Variants in PRIM1 observed in about 807,000 individuals in gnomAD.
PRIM1 encodes the protein DNA primase subunit 1, also known as DNA primase small subunit.
Under a neutral mutation model 60.2 loss-of-function variants are expected in PRIM1, and 38 were observed. That is an observed-to-expected ratio of 0.63 (90% CI 0.49 to 0.83). The LOEUF is 0.83. Among genes scored for constraint, PRIM1 ranks in the 40% least tolerant of loss-of-function variants. The pLI, the probability that PRIM1 is intolerant of heterozygous loss-of-function variation, is 0.00. For missense variants in PRIM1, 388 were observed against 506.2 expected (o/e 0.77, Z 2.24); for synonymous variants, 158 against 160.2 (o/e 0.99, Z 0.10).
intron 6 of PRIM1, 67 bp from the exon 7 acceptor site, chr12:56,743,163 C>T (rs1419215599): frequency 2.3e-5 from 33 of 1,408,004 alleles, no homozygotes; most frequent in Non-Finnish European, 3.0e-5. Flanking sequence ...ATAGGTATTG[C>T]TGCCATTGTG....
At chr12:56,739,828 G>C (rs1169671030) in intron 9 of PRIM1, among the ~76,000 whole-genome samples, 1 of 152,110 alleles carries the variant, frequency 6.6e-6, no homozygotes, top group African/African-American at 2.4e-5. Context: ...ACCATGTCCA[G>C]CATGCCTTTT....
In PRIM1 at chr12:56,734,778, T is replaced by TATA. The variant is rs1555228415; in HGVS notation, c.1145-534_1145-533insTAT. 2.5e-3 allele frequency among the ~76,000 whole-genome samples: 345 copies of TATA among 140,286 alleles called. 2 individuals carry two copies. Among genetic ancestry groups the TATA allele is most frequent in the African/African-American group, 9.0e-3 (337 of 37,292 alleles). 92.0% of individuals were successfully genotyped at this position (140,286 alleles called of 152,430 possible). On this transcript the variant is annotated intron_variant, in intron 11 of 12. Transcript: ENST00000338193. ...TCTCTTTCATACAAGTCTTTTATAT[T>TATA]TATATATATATATATAATATATATA... is the stretch of plus-strand genomic sequence containing the variant.
chr12:56,746,663 C>G, intron 4 of PRIM1, 118 bp downstream of exon 4: 1 of 832,688 alleles, frequency 1.2e-6, no homozygotes, highest in Non-Finnish European at 1.9e-6. Flanking sequence ...CACACACACA[C>G]ACACACACAC....
chr12:56,733,038 A>C (rs1359527153), intron 12 of PRIM1, among the ~76,000 whole-genome samples: 1 of 150,002 alleles, frequency 6.7e-6, no homozygotes, highest in Non-Finnish European at 1.5e-5. Context: ...TATTTTTAGT[A>C]GAGACGGGGT....
intron 11 of PRIM1, among the ~76,000 whole-genome samples, chr12:56,736,300 A>G (rs1389812370): frequency 9.8e-5 from 14 of 142,248 alleles, no homozygotes; most frequent in Non-Finnish European, 1.7e-4. Context: ...TCTTTCTCTA[A>G]AAAAAAAAAA....
Position 56,746,172 on chromosome 12 carries a change from C to G in PRIM1, c.452G>C (p.Gly151Ala). The change falls in exon 5 of 13, where the codon GGA becomes GCA. Residue 151 changes from glycine to alanine, a missense_variant. Physicochemically the swap from Gly to Ala is moderately conservative, Grantham distance 60 (BLOSUM62 0). This residue lies in a region of PRIM1 where 21 missense variants were observed against 52.5 expected (regional missense o/e 0.40). Transcript: ENST00000338193. ...ATATACCCAGAGACGATGCTTAAAT[C>G]CAAAGTCCTCTGAGGAAGAGAGAAA... ...IIDRALKEDF[G>A]FKHRLWVYSG... The G allele has an allele frequency of 1.2e-6, 2 of 1,610,794 alleles. No homozygotes were observed. Among genetic ancestry groups the G allele is most frequent in the Non-Finnish European group, 1.7e-6 (2 of 1,178,780 alleles).
chr12:56,741,810 A>G lies in PRIM1; in HGVS notation c.776T>C (p.Phe259Ser). 1 of 1,613,976 alleles carries G rather than the reference A, an allele frequency of 6.2e-7. No individual in the cohort carries two copies. The highest frequency in any genetic ancestry group is 8.5e-7 in the Non-Finnish European group (1 of 1,179,876). Residue 259 changes from phenylalanine to serine, a missense_variant, in exon 8 of 13, where the codon TTC (phenylalanine) becomes TCC (serine). Phe to Ser is a radical substitution (Grantham distance 155). Transcript: ENST00000338193. ...ETIHDELQQS[F>S]QKSHNSLQRW... Reference sequence around the variant, plus strand: ...CTGAAGTGAATTGTGAGACTTTTGGAAGCTTTGTTGAAGTTCATCATGAAT... The same window carrying G: ...CTGAAGTGAATTGTGAGACTTTTGGGAGCTTTGTTGAAGTTCATCATGAAT...
chr12:56,733,585 G>C (rs1953800371), intron 12 of PRIM1, among the ~76,000 whole-genome samples: 2 of 149,896 alleles, frequency 1.3e-5, no homozygotes, highest in South Asian at 4.2e-4. Context: ...TTTGTATTAA[G>C]TTAGTACTTC....
chr12:56,741,525 G>T lies in PRIM1; in HGVS notation c.892C>A (p.Leu298Ile). Residue 298 changes from leucine to isoleucine, a missense_variant, in exon 9 of 13, where the codon CTC becomes ATC. Physicochemically the swap from Leu to Ile is conservative, Grantham distance 5 (BLOSUM62 2). This residue lies in a region of PRIM1 where 211 missense variants were observed against 277.9 expected (regional missense o/e 0.76). Transcript: ENST00000338193. Reference sequence around the variant, plus strand: ...TCCAGCCGTGGAAAACAGTACTGGAGCATAATCTCCCACTCCAGCCAGGGT... The same window carrying T: ...TCCAGCCGTGGAAAACAGTACTGGATCATAATCTCCCACTCCAGCCAGGGT... The part of the protein sequence containing the change: ...YGPWLEWEIM[L>I]QYCFPRLDIN... The T allele has an allele frequency of 6.2e-7, 1 of 1,613,504 alleles. No homozygotes were observed. The highest frequency in any genetic ancestry group is 1.1e-5 in the South Asian group (1 of 91,034).
intron 1 of PRIM1, 122 bp downstream of exon 1, chr12:56,752,074 C>G: frequency 1.8e-6 from 1 of 559,146 alleles, no homozygotes; most frequent in Non-Finnish European, 3.0e-6. Context: ...CTCGAGAGAG[C>G]AAATGAAGGC....
intron 1 of PRIM1, 45 bp downstream of exon 1, chr12:56,752,151 A>G: frequency 1.4e-6 from 2 of 1,407,594 alleles, no homozygotes; most frequent in Non-Finnish European, 9.8e-7. Context: ...CCCGCCTCCA[A>G]CCTCCTCACA....
chr12:56,746,769 G>A lies in PRIM1; in HGVS notation c.442+12C>T. 1 of 1,612,864 alleles carries A rather than the reference G, an allele frequency of 6.2e-7. No individual in the cohort carries two copies. The highest frequency in any genetic ancestry group is 8.5e-7 in the Non-Finnish European group (1 of 1,179,166). ...TTACACTTGACCCCATTCAGAAACTGCTGATACTTGCCCTTCAATGCTCTG... is the reference window on the plus strand; with the variant it reads ...TTACACTTGACCCCATTCAGAAACTACTGATACTTGCCCTTCAATGCTCTG... On this transcript the variant is annotated intron_variant, in intron 4 of 12. Coordinates refer to ENST00000338193, the MANE Select transcript of PRIM1 (RefSeq NM_000946.3).
chr12:56,744,115 T>A lies in PRIM1; in HGVS notation c.588A>T (p.Gln196His). The part of the protein sequence containing the change: ...VEYLSLVKGG[Q>H]DVKKKVHLSE... ...TTAGGTGAACTTTCTTTTTAACGTC[T>A]TGACCACCCTGAAAAATAAATCATT... Residue 196 changes from glutamine to histidine, a missense_variant, in exon 6 of 13, where the codon CAA becomes CAT. By Grantham distance (24) the Gln-to-His change is conservative. Coordinates refer to ENST00000338193, the MANE Select transcript of PRIM1 (RefSeq NM_000946.3). 6.4e-7 allele frequency: 1 copy of A among 1,561,162 alleles called. No homozygotes were observed. The highest frequency in any genetic ancestry group is 8.7e-7 in the Non-Finnish European group (1 of 1,149,808).
rs1196937616 is a variant in PRIM1, at chr12:56,734,150, T to G, written c.1240A>C (p.Ser414Arg). Residue 414 changes from serine to arginine, a missense_variant, in exon 12 of 13, where the codon AGT (serine) becomes CGT (arginine). Coordinates refer to ENST00000338193, the MANE Select transcript of PRIM1 (RefSeq NM_000946.3). ...KSRKGELLKK[S>R]DLQKDF ...AGGGAAAGGCATAGCGTCTTACCAC[T>G]CTTCTTAAGAAGTTCTCCTTTTCGG... The G allele has an allele frequency of 2.5e-6, 4 of 1,588,680 alleles. No individual in the cohort carries two copies. In the African/African-American group the frequency reaches 5.4e-5, roughly 21 times the overall value.
At chr12:56,745,667 G>A (rs552977169) in intron 5 of PRIM1, among the ~76,000 whole-genome samples, 1 of 152,136 alleles carries the variant, frequency 6.6e-6, no homozygotes, top group African/African-American at 2.4e-5. Context: ...AGGCCAGTGT[G>A]GTGGCTCATG....
intron 7 of PRIM1, 142 bp from the exon 8 acceptor site, chr12:56,741,979 G>T: frequency 3.5e-6 from 3 of 858,950 alleles, no homozygotes; most frequent in Non-Finnish European, 5.6e-6. Flanking sequence ...TTGACTGGGC[G>T]TGGTGGCTCA....
intron 11 of PRIM1, among the ~76,000 whole-genome samples, chr12:56,735,265 A>C (rs1012944622): frequency 2.0e-5 from 3 of 151,188 alleles, no homozygotes; most frequent in Non-Finnish European, 2.9e-5. Context: ...TGCCCGGCTA[A>C]GTTTTTGTAT....
chr12:56,740,771 T>G (rs1953866846), intron 9 of PRIM1, among the ~76,000 whole-genome samples: 1 of 152,092 alleles, frequency 6.6e-6, no homozygotes, highest in Admixed American at 6.6e-5. Flanking sequence ...AAAATTTTTT[T>G]TTGTTTTTGT....
At chr12:56,746,510 A>T (rs1953908073) in intron 4 of PRIM1, 1 of 559,924 alleles carries the variant, frequency 1.8e-6, no homozygotes, top group Non-Finnish European at 3.2e-6. Flanking sequence ...GTGCGCCTGT[A>T]GTCCCAGCTA....
Sources: allele counts gnomAD v4.1 joint callset (sites outside exome capture counted in the v4.1 genomes callset), GRCh38; gene constraint gnomAD v4.1.1; regional missense constraint gnomAD v4.1.1; transcripts MANE v1.5; gene names NCBI Gene and HGNC (gene_info 2026-07-23, HGNC 2026-07-21).